TPP2: variants seen among roughly 807,000 people sequenced by gnomAD.
TPP2 encodes tripeptidyl-peptidase 2.
In TPP2, 34 loss-of-function variants were observed where a neutral mutation model predicts 155.9. The observed-to-expected ratio is 0.22, with a 90% confidence interval of 0.17 to 0.29. The LOEUF is 0.29. Ranked by LOEUF, TPP2 falls within the 10% of genes least tolerant of loss-of-function variation. The pLI is 1.00. For missense variants in TPP2, 1,028 were observed against 1,522.3 expected (o/e 0.68, Z 5.40); for synonymous variants, 510 against 529.4 (o/e 0.96, Z 0.50).
At chr13:102,663,469 T>C (rs1461407278) in intron 25 of TPP2, among the ~76,000 whole-genome samples, 179 bp from the exon 26 acceptor site, 1 of 152,268 alleles carries the variant, frequency 6.6e-6, no homozygotes, top group African/African-American at 2.4e-5. Context: ...TTTTGTTTTC[T>C]AGTTAACCAT....
intron 22 of TPP2, 113 bp from the exon 23 acceptor site, chr13:102,649,295 C>T: frequency 7.0e-7 from 1 of 1,438,096 alleles, no homozygotes; most frequent in Non-Finnish European, 9.4e-7. Context: ...TTTTTGAAGT[C>T]TTAGCTATGG....
chr13:102,629,655 C>A (rs1217438414), intron 9 of TPP2, 46 bp downstream of exon 9: 2 of 1,537,802 alleles, frequency 1.3e-6, no homozygotes, highest in Non-Finnish European at 1.7e-6. Flanking sequence ...AACAAGCAAA[C>A]AAAAAACAAT....
chr13:102,656,572 A>G (rs985716944), intron 24 of TPP2, among the ~76,000 whole-genome samples: 7 of 151,894 alleles, frequency 4.6e-5, no homozygotes, highest in African/African-American at 1.7e-4. Flanking sequence ...TCTGTTCTTT[A>G]CCTATTCTAG....
At chr13:102,598,271 C>T (rs1644798631) in intron 1 of TPP2, among the ~76,000 whole-genome samples, 1 of 152,188 alleles carries the variant, frequency 6.6e-6, no homozygotes, top group Non-Finnish European at 1.5e-5. Flanking sequence ...CAGCCCCTGG[C>T]TATCTTATCC....
In TPP2 at chr13:102,618,806, G is replaced by C. The variant is rs1342968648; in HGVS notation, c.580G>C (p.Val194Leu). 1 of 1,613,610 alleles carries C rather than the reference G, an allele frequency of 6.2e-7. No homozygotes were observed. Among genetic ancestry groups the C allele is most frequent in the South Asian group, 1.1e-5 (1 of 90,996 alleles). The change falls in exon 5 of 30, where the codon GTA becomes CTA. Residue 194 changes from valine to leucine, a missense_variant. By Grantham distance (32) the Val-to-Leu change is conservative. This residue lies in a region of TPP2 where 300 missense variants were observed against 398.3 expected (regional missense o/e 0.75). Transcript: ENST00000376052. ...FEKKYSDPGP[V>L]YDCLVWHDGE... ...GAAGAAATACAGCGATCCTGGCCCT[G>C]TATATGACTGCTTGGTATGGCATGA...
At chr13:102,672,719 C>T (rs933369163) in intron 27 of TPP2, among the ~76,000 whole-genome samples, 1 of 152,194 alleles carries the variant, frequency 6.6e-6, no homozygotes, top group Non-Finnish European at 1.5e-5. Flanking sequence ...TTAAGGATGG[C>T]ACCTGGCATC....
Position 102,634,125 on chromosome 13 carries a change from A to G in TPP2, c.1393+27A>G, listed in dbSNP as rs779109741. The G allele has an allele frequency of 3.4e-5, 54 of 1,611,510 alleles. No homozygotes were observed. In the Admixed American group the frequency reaches 8.8e-4, roughly 26 times the overall value. On this transcript the variant is annotated intron_variant, in intron 11 of 29. Coordinates refer to ENST00000376052, the MANE Select transcript of TPP2 (RefSeq NM_001330588.2). ...TAAGCGTGTTCTTTATTGTCCTTAC[A>G]TTATTGCAGACCAATATTTTTGTTT...
intron 7 of TPP2, 24 bp from the exon 8 acceptor site, chr13:102,627,824 C>A: frequency 6.4e-7 from 1 of 1,572,734 alleles, no homozygotes; most frequent in Non-Finnish European, 8.7e-7. Flanking sequence ...GCTGCCTAAA[C>A]TAGAGTCTTA....
intron 7 of TPP2, among the ~76,000 whole-genome samples, chr13:102,627,636 T>TG (rs1456764733): frequency 1.3e-5 from 2 of 152,066 alleles, no homozygotes; most frequent in Non-Finnish European, 2.9e-5. Context: ...TTTTGTTTTT[T>TG]TTTTTAATGA....
At chr13:102,665,472 G>A (rs912316140) in intron 27 of TPP2, among the ~76,000 whole-genome samples, 37 of 152,142 alleles carry the variant, frequency 2.4e-4, no homozygotes, top group African/African-American at 8.7e-4. Flanking sequence ...AAAACCTAAT[G>A]CTGTGTGTAA....
intron 11 of TPP2, 136 bp downstream of exon 11, chr13:102,634,234 T>G: frequency 3.4e-6 from 4 of 1,185,252 alleles, no homozygotes; most frequent in Non-Finnish European, 4.7e-6. Flanking sequence ...GAATAACTTA[T>G]GTGATAATGA....
intron 27 of TPP2, among the ~76,000 whole-genome samples, chr13:102,669,188 A>T (rs993575617): frequency 1.3e-5 from 2 of 152,208 alleles, no homozygotes; most frequent in African/African-American, 2.4e-5. Context: ...TTTAGATTTT[A>T]AAAAGTAAGG....
chr13:102,642,004 C>T (rs1430048831), intron 16 of TPP2, among the ~76,000 whole-genome samples: 1 of 152,172 alleles, frequency 6.6e-6, no homozygotes, highest in African/African-American at 2.4e-5. Flanking sequence ...CACAGAGTAG[C>T]GGCAAGGCCA....
intron 27 of TPP2, among the ~76,000 whole-genome samples, chr13:102,669,135 G>C (rs2139605687): frequency 6.6e-6 from 1 of 152,280 alleles, no homozygotes; most frequent in Admixed American, 6.5e-5. Context: ...TGTCTTGAGA[G>C]GTTTTAGCAA....
Position 102,674,398 on chromosome 13 carries a change from G to A in TPP2, c.3487G>A (p.Glu1163Lys), listed in dbSNP as rs773836087. ...AQDGAISTDA[E>K]GKEEEGESPL... ...AGACGGAGCCATTTCCACTGATGCA[G>A]AAGGAAAGGAGGAGGAAGGAGAAAG... Residue 1163 changes from glutamate to lysine, a missense_variant, in exon 28 of 30, where the codon GAA becomes AAA. Transcript: ENST00000376052. 1 of 1,613,986 alleles carries A rather than the reference G, an allele frequency of 6.2e-7. No homozygotes were observed. The highest frequency in any genetic ancestry group is 8.5e-7 in the Non-Finnish European group (1 of 1,179,880).
rs1403134008 is a variant in TPP2 at position 102,649,098 on chromosome 13, A to G, written c.2820A>G (p.Thr940=). 1 of 1,612,832 alleles carries G rather than the reference A, an allele frequency of 6.2e-7. No homozygotes were observed. The highest frequency in any genetic ancestry group is 1.7e-4 in the Middle Eastern group (1 of 6,054). The change falls in exon 22 of 30, where the codon ACA becomes ACG. Residue 940 remains threonine (T), a synonymous_variant. Transcript: ENST00000376052. ...GGAAGAAGAAATCAAGCAATTTGAC[A>G]TTACCACCCAAATATAACCAGCCAT... The part of the protein sequence containing the change: ...LLGKKKSSNL[T]LPPKYNQPFF...
At chr13:102,635,349 A>G (rs1248595274) in intron 11 of TPP2, among the ~76,000 whole-genome samples, 1 of 152,192 alleles carries the variant, frequency 6.6e-6, no homozygotes, top group African/African-American at 2.4e-5. Flanking sequence ...AGCCCACACC[A>G]GTCTCTCTGC....
At chr13:102,646,928 A>G (rs1825068469) in intron 20 of TPP2, among the ~76,000 whole-genome samples, 1 of 152,238 alleles carries the variant, frequency 6.6e-6, no homozygotes, top group African/African-American at 2.4e-5. Flanking sequence ...GTGAATTTTC[A>G]CATTTCAGTT....
intron 19 of TPP2, among the ~76,000 whole-genome samples, 196 bp downstream of exon 19, chr13:102,645,205 C>CA (rs1355823372): frequency 1.3e-5 from 2 of 152,096 alleles, no homozygotes; most frequent in East Asian, 3.9e-4. Context: ...CCAGCAAAGT[C>CA]AAGGATGGTG....
Sources: allele counts gnomAD v4.1 joint callset (sites outside exome capture counted in the v4.1 genomes callset), GRCh38; gene constraint gnomAD v4.1.1; regional missense constraint gnomAD v4.1.1; transcripts MANE v1.5; gene names NCBI Gene and HGNC (gene_info 2026-07-23, HGNC 2026-07-21).